The following ABI3BP variants were observed in gnomAD, a reference collection of about 807,000 sequenced individuals.
ABI3BP encodes target of Nesh-SH3.
In ABI3BP, 216 loss-of-function variants were observed where a neutral mutation model predicts 268.6. The ratio of observed to expected loss-of-function variants is 0.80; its 90% confidence interval spans 0.72 to 0.90. The LOEUF is 0.90. Among genes scored for constraint, ABI3BP ranks in the 40% least tolerant of loss-of-function variants. The probability of loss-of-function intolerance (pLI) is 0.00; values close to 1 mark genes in which losing one functional copy is unlikely to be tolerated. For synonymous variants in ABI3BP, 730 were observed against 730.0 expected, an observed-to-expected ratio of 1.00 and a Z score of 0.00; for missense variants, 2,090 against 2,182.4, an observed-to-expected ratio of 0.96 and a Z score of 0.84.
chr3:100,792,133 G>A (rs1007407105), intron 55 of ABI3BP, among the ~76,000 whole-genome samples: 48 of 151,814 alleles, frequency 3.2e-4, no homozygotes, highest in African/African-American at 1.2e-3. Flanking sequence ...TTGTGTAGGC[G>A]AGTTCACTTC....
intron 51 of ABI3BP, 127 bp downstream of exon 51, chr3:100,804,665 A>G: frequency 1.2e-6 from 1 of 826,496 alleles, no homozygotes; most frequent in Non-Finnish European, 2.0e-6. Context: ...ATCATACCAC[A>G]TATGATACAA....
chr3:100,867,640 CA>C (rs5851230), intron 9 of ABI3BP, among the ~76,000 whole-genome samples: 45 of 64,228 alleles, frequency 7.0e-4, no homozygotes, highest in African/African-American at 1.0e-3. Flanking sequence ...GACCCCGTCT[CA>C]AAAAAAAAAA....
intron 65 of ABI3BP, 41 bp from the exon 66 acceptor site, chr3:100,752,989 G>C: frequency 6.5e-7 from 1 of 1,547,010 alleles, no homozygotes; most frequent in Non-Finnish European, 8.7e-7. Context: ...TCTGACTCTT[G>C]GGTCAGATAC....
At chr3:100,866,702 T>C (rs1433615435) in intron 10 of ABI3BP, among the ~76,000 whole-genome samples, 177 bp downstream of exon 10, 1 of 152,222 alleles carries the variant, frequency 6.6e-6, no homozygotes, top group Non-Finnish European at 1.5e-5. Flanking sequence ...GATTCAATAC[T>C]CCATTTTGCA....
At chr3:100,952,008 C>T (rs1378084842) in intron 1 of ABI3BP, among the ~76,000 whole-genome samples, 1 of 150,002 alleles carries the variant, frequency 6.7e-6, no homozygotes, top group East Asian at 1.9e-4. Context: ...CCCCACCCAA[C>T]AAGATCACTG....
chr3:100,958,881 C>T (rs537449253), intron 1 of ABI3BP, among the ~76,000 whole-genome samples: 1 of 152,292 alleles, frequency 6.6e-6, no homozygotes, highest in East Asian at 1.9e-4. Context: ...GGGCTCTTCA[C>T]GAACCTCATG....
intron 52 of ABI3BP, among the ~76,000 whole-genome samples, chr3:100,796,173 A>T (rs2097339835): frequency 6.6e-6 from 1 of 152,056 alleles, no homozygotes; most frequent in Admixed American, 6.6e-5. Flanking sequence ...GTTAACAATG[A>T]TATTTATAAT....
At chr3:100,942,389 C>T (rs2069776702) in intron 1 of ABI3BP, among the ~76,000 whole-genome samples, 1 of 151,962 alleles carries the variant, frequency 6.6e-6, no homozygotes, top group South Asian at 2.1e-4. Flanking sequence ...ATACCAAAAG[C>T]AGGTAGGGAA....
rs149114634 is a variant in ABI3BP at position 100,897,785 on chromosome 3, A to G, written c.461+977T>C. On this transcript the variant is annotated intron_variant, in intron 4 of 67. Coordinates refer to ENST00000471714, the MANE Select transcript of ABI3BP (RefSeq NM_001375547.2). ...TTTACTGTGTTTAAATTATACCTCA[A>G]TAAATGTTTTTTATTCAAAAAGGAA... 4.7e-3 allele frequency among the ~76,000 whole-genome samples: 717 copies of G among 152,350 alleles called. 2 individuals are homozygous for G. Among genetic ancestry groups the G allele is most frequent in the African/African-American group, 0.016 (659 of 41,576 alleles).
intron 14 of ABI3BP, among the ~76,000 whole-genome samples, chr3:100,854,123 GGTAAATCCCTTGAGGTTA>G (rs1371681009): frequency 6.6e-6 from 1 of 150,686 alleles, no homozygotes; most frequent in Non-Finnish European, 1.5e-5. Context: ...GGCCGAGGCG[GGTAAATCCCTTGAGGTTA>G]GGAGTTCGAG....
intron 21 of ABI3BP, among the ~76,000 whole-genome samples, chr3:100,841,559 G>T (rs1050860409): frequency 6.6e-6 from 1 of 151,788 alleles, no homozygotes; most frequent in Admixed American, 6.6e-5. Flanking sequence ...GTATATCTTC[G>T]GGCAAAAATG....
At chr3:100,856,850 C>A (rs528552515) in intron 14 of ABI3BP, among the ~76,000 whole-genome samples, 9 of 152,158 alleles carry the variant, frequency 5.9e-5, no homozygotes, top group African/African-American at 2.2e-4. Flanking sequence ...GGCATTTATG[C>A]TGCTTCTCCT....
intron 2 of ABI3BP, among the ~76,000 whole-genome samples, chr3:100,920,919 C>T (rs2060023284): frequency 1.3e-5 from 2 of 152,232 alleles, no homozygotes; most frequent in Non-Finnish European, 2.9e-5. Flanking sequence ...TCACATCATG[C>T]TGCCTCTCAA....
At chr3:100,848,284 G>A (rs563845481) in intron 18 of ABI3BP, among the ~76,000 whole-genome samples, 20 of 152,184 alleles carry the variant, frequency 1.3e-4, no homozygotes, top group Admixed American at 7.8e-4. Context: ...ACCAAAAAAC[G>A]AATTACATGT....
chr3:100,923,125 G>GT (rs1166135191), intron 2 of ABI3BP, among the ~76,000 whole-genome samples: 1 of 152,176 alleles, frequency 6.6e-6, no homozygotes, highest in Non-Finnish European at 1.5e-5. Flanking sequence ...ACAATATGAG[G>GT]TAAGAGTTTT....
intron 38 of ABI3BP, 51 bp from the exon 39 acceptor site, chr3:100,821,164 A>G: frequency 1.4e-6 from 2 of 1,469,274 alleles, no homozygotes; most frequent in Admixed American, 2.0e-5. Flanking sequence ...ATGAATGTAA[A>G]CTCAAAACTT....
At chr3:100,776,439 T>C (rs1476224583) in intron 59 of ABI3BP, among the ~76,000 whole-genome samples, 2 of 152,188 alleles carry the variant, frequency 1.3e-5, no homozygotes, top group Non-Finnish European at 2.9e-5. Context: ...TGGCATAGCA[T>C]AGCATTTTCA....
At position 100,847,605 on chromosome 3, in the gene ABI3BP, G is replaced by A. The variant is rs753718134; in HGVS notation, c.1645C>T (p.Pro549Ser). The change falls in exon 19 of 68, where the codon CCG becomes TCG. Residue 549 changes from proline to serine, a missense_variant. Pro to Ser is a moderately conservative substitution (Grantham distance 74, BLOSUM62 -1). Transcript: ENST00000471714. The stretch of plus-strand genomic sequence containing the variant: ...ACTAAGGACATATCATTATTACCCG[G>A]TGTTGTCCATGTAGGTTCAGGGCTT... The part of the protein sequence containing the change: ...SKSPEPTWTT[P>S]APGKTQFISL... 27 of 1,609,954 alleles carry A rather than the reference G, an allele frequency of 1.7e-5. No individual in the cohort carries two copies. The highest frequency in any genetic ancestry group is 2.1e-5 in the Non-Finnish European group (25 of 1,176,260).
chr3:100,939,501 G>A (rs1300727572), intron 1 of ABI3BP, among the ~76,000 whole-genome samples: 1 of 151,988 alleles, frequency 6.6e-6, no homozygotes, highest in South Asian at 2.1e-4. Flanking sequence ...GACATCACGT[G>A]TCGGTAGGTT....
Sources: allele counts gnomAD v4.1 joint callset (sites outside exome capture counted in the v4.1 genomes callset), GRCh38; gene constraint gnomAD v4.1.1; transcripts MANE v1.5; gene names NCBI Gene and HGNC (gene_info 2026-07-23, HGNC 2026-07-21).